The following GAK variants were observed in gnomAD, a reference collection of about 807,000 sequenced individuals.
The protein encoded by GAK is cyclin G associated kinase, also known as cyclin-G-associated kinase.
In GAK, 79 loss-of-function variants were observed where a neutral mutation model predicts 143.9. The observed-to-expected ratio is 0.55, with a 90% confidence interval of 0.46 to 0.66. The LOEUF is 0.66. GAK is among the 30% of genes least tolerant of loss of function. GAK has a pLI of 0.00. For synonymous variants in GAK, 881 were observed against 765.5 expected (o/e 1.15, Z -2.49); for missense variants, 1,693 against 1,779.7 (o/e 0.95, Z 0.88).
intron 22 of GAK, 102 bp from the exon 23 acceptor site, chr4:865,346 C>T (rs1318914027): frequency 6.8e-7 from 1 of 1,464,682 alleles, no homozygotes; most frequent in Non-Finnish European, 9.4e-7. Context: ...GCGGACACCT[C>T]TTGCACCCAG....
intron 7 of GAK, 87 bp downstream of exon 7, chr4:896,373 C>G: frequency 2.0e-6 from 2 of 1,000,472 alleles, no homozygotes; most frequent in Non-Finnish European, 3.1e-6. Context: ...AGGCCAGTTC[C>G]GAGTGGCAGG....
chr4:905,466 G>A (rs187385075), intron 4 of GAK, among the ~76,000 whole-genome samples: 1,437 of 136,442 alleles, frequency 0.011, 28 homozygotes, highest in Admixed American at 0.029. Context: ...GCTCCGCCAC[G>A]CCCCATGCCA....
chr4:901,136 A>T (rs1399055944), intron 5 of GAK, among the ~76,000 whole-genome samples: 2 of 152,252 alleles, frequency 1.3e-5, no homozygotes, highest in Non-Finnish European at 2.9e-5. Context: ...CTAACCAGAG[A>T]AACACAGAGG....
intron 15 of GAK, among the ~76,000 whole-genome samples, chr4:879,218 G>A (rs1048678403): frequency 3.9e-5 from 6 of 152,160 alleles, no homozygotes; most frequent in African/African-American, 1.4e-4. Flanking sequence ...ATCCTGTTCT[G>A]AACCCACCTC....
At chr4:888,746 C>T (rs952283532) in intron 11 of GAK, 101 bp downstream of exon 11, 1 of 1,439,980 alleles carries the variant, frequency 6.9e-7, no homozygotes, top group African/African-American at 1.4e-5. Context: ...CCCTGTGGGG[C>T]CTGATGACCA....
intron 18 of GAK, among the ~76,000 whole-genome samples, chr4:874,978 C>T (rs894019715): frequency 2.6e-5 from 4 of 152,158 alleles, no homozygotes; most frequent in Admixed American, 1.3e-4. Context: ...GTACTGAAGC[C>T]TTCATTTCGG....
intron 24 of GAK, among the ~76,000 whole-genome samples, chr4:854,200 G>A (rs1457014488): frequency 6.6e-6 from 1 of 151,840 alleles, no homozygotes; most frequent in Non-Finnish European, 1.5e-5. Context: ...AATAGTGGAG[G>A]GAAGGTCAGC....
At chr4:931,748 G>A (rs1024393823) in intron 1 of GAK, among the ~76,000 whole-genome samples, 1 of 151,794 alleles carries the variant, frequency 6.6e-6, no homozygotes, top group East Asian at 2.0e-4. Context: ...CCAAGCCCCA[G>A]GCCTTGCTCC....
intron 1 of GAK, among the ~76,000 whole-genome samples, chr4:930,614 G>C (rs1272514206): frequency 1.3e-5 from 2 of 151,556 alleles, no homozygotes; most frequent in Non-Finnish European, 2.9e-5. Context: ...TGAAGTTCCA[G>C]AAAGCAAGTC....
intron 1 of GAK, among the ~76,000 whole-genome samples, chr4:921,459 C>A (rs79257837): frequency 0.015 from 2,226 of 152,254 alleles, 64 homozygotes; most frequent in African/African-American, 0.05. Context: ...TGGTGCCAGA[C>A]AATGAGCTTC....
intron 1 of GAK, among the ~76,000 whole-genome samples, chr4:931,278 C>T (rs983101350): frequency 4.6e-5 from 7 of 152,186 alleles, no homozygotes; most frequent in African/African-American, 1.7e-4. Context: ...TCTGCAAGTT[C>T]TATATAGGTC....
At chr4:850,569 G>C (rs1747943578) in intron 26 of GAK, 1 of 199,954 alleles carries the variant, frequency 5.0e-6, no homozygotes, top group South Asian at 1.2e-4. Context: ...TCAGTACCCA[G>C]AGCAGCCCCC....
rs1725972141 is a variant in GAK at position 932,077 on chromosome 4, C to T, written c.111G>A (p.Glu37=). Residue 37 remains glutamate, a synonymous_variant, in exon 1 of 28, where the codon GAG becomes GAA. Transcript: ENST00000314167. The surrounding 1 kb of genome is among the most constrained non-coding windows in gnomAD (Gnocchi z 4.0). ...GGACCCGCCGCACCCGCAGCCGCAG[C>T]TCGCCCAGTTCCACCGTCTGCCCCA... ...DFVGQTVELG[E]LRLRVRRVLA... 6 of 1,603,218 alleles carry T rather than the reference C, an allele frequency of 3.7e-6. No homozygotes were observed. The highest frequency in any genetic ancestry group is 1.7e-5 in the Admixed American group (1 of 59,230).
chr4:864,994 CA>C (rs1750903576), intron 23 of GAK, 127 bp downstream of exon 23: 1 of 1,304,654 alleles, frequency 7.7e-7, no homozygotes, highest in South Asian at 1.5e-5. Flanking sequence ...CCCGCACCAC[CA>C]AGCACGCCCC....
intron 4 of GAK, among the ~76,000 whole-genome samples, chr4:908,833 A>G (rs1197422164): frequency 2.0e-5 from 3 of 152,176 alleles, no homozygotes; most frequent in Non-Finnish European, 2.9e-5. Flanking sequence ...GGAAAATTAT[A>G]TAAAGTAAAA....
chr4:924,176 CAAAAAAAAA>C (rs71640369), intron 1 of GAK, among the ~76,000 whole-genome samples: 3 of 99,878 alleles, frequency 3.0e-5, no homozygotes, highest in African/African-American at 1.2e-4. Context: ...GACTCCCTCT[CAAAAAAAAA>C]AAAAAAAAAA....
At chr4:850,174 G>A in intron 26 of GAK, 106 bp from the exon 27 acceptor site, 2 of 1,166,098 alleles carry the variant, frequency 1.7e-6, no homozygotes, top group South Asian at 1.6e-5. Context: ...GTCACGTGGG[G>A]TGGGCTCAGC....
At chr4:930,132 C>A (rs1334659917) in intron 1 of GAK, among the ~76,000 whole-genome samples, 1 of 152,120 alleles carries the variant, frequency 6.6e-6, no homozygotes, top group Non-Finnish European at 1.5e-5. Context: ...GCCTAAACTC[C>A]CATAGCCTAT....
chr4:914,261 C>A (rs1432879737), intron 1 of GAK, among the ~76,000 whole-genome samples: 1 of 86,126 alleles, frequency 1.2e-5, no homozygotes, highest in Non-Finnish European at 2.3e-5. Flanking sequence ...ACACACACAG[C>A]CCCAGCGTGC....
Sources: gnomAD v4.1 joint callset for allele counts (sites outside exome capture counted in the v4.1 genomes callset) on GRCh38, gnomAD v4.1.1 for gene constraint, Gnocchi (gnomAD v3.1) non-coding constraint, MANE v1.5 for transcripts, NCBI Gene and HGNC (gene_info 2026-07-23, HGNC 2026-07-21) for gene names.